SCFD2: variants seen among roughly 807,000 people sequenced by gnomAD.
SCFD2 encodes sec1 family domain-containing protein 2.
Under a neutral mutation model 58.9 loss-of-function variants are expected in SCFD2, and 54 were observed. The observed-to-expected ratio is 0.92, with a 90% confidence interval of 0.74 to 1.15. The LOEUF (loss-of-function observed/expected upper bound fraction) is 1.15, where lower values mean the gene tolerates loss of function less well. Ranked by LOEUF, SCFD2 falls within the 50% of genes most tolerant of loss-of-function variation. The pLI, the probability that SCFD2 is intolerant of heterozygous loss-of-function variation, is 0.00. For synonymous variants in SCFD2, 321 were observed against 335.9 expected, an observed-to-expected ratio of 0.96 and a Z score of 0.49; for missense variants, 805 against 836.6, an observed-to-expected ratio of 0.96 and a Z score of 0.47.
At chr4:53,252,876 A>G (rs1404810009) in intron 4 of SCFD2, among the ~76,000 whole-genome samples, 1 of 152,184 alleles carries the variant, frequency 6.6e-6, no homozygotes, top group Non-Finnish European at 1.5e-5. Flanking sequence ...ACAAAAGCCA[A>G]AATTGACAAA....
At chr4:53,231,758 T>C (rs1729446918) in intron 4 of SCFD2, among the ~76,000 whole-genome samples, 1 of 152,108 alleles carries the variant, frequency 6.6e-6, no homozygotes, top group Non-Finnish European at 1.5e-5. Context: ...TATACTTTTT[T>C]CTTTTCTTTT....
At chr4:53,064,448 T>C (rs1239545916) in intron 5 of SCFD2, among the ~76,000 whole-genome samples, 1 of 152,142 alleles carries the variant, frequency 6.6e-6, no homozygotes, top group African/African-American at 2.4e-5. Flanking sequence ...TGGAGACTTA[T>C]TACTTGGGTA....
At chr4:53,245,042 C>T (rs1730023139) in intron 4 of SCFD2, among the ~76,000 whole-genome samples, 2 of 151,856 alleles carry the variant, frequency 1.3e-5, no homozygotes, top group South Asian at 4.2e-4. Context: ...ATACACCCTC[C>T]CAAGAATCAA....
At chr4:52,886,145 T>C (rs1207224119) in intron 7 of SCFD2, among the ~76,000 whole-genome samples, 1 of 152,186 alleles carries the variant, frequency 6.6e-6, no homozygotes, top group Non-Finnish European at 1.5e-5. Context: ...CTTCACCTAT[T>C]TTACATATAC....
At chr4:53,036,873 C>T (rs778316624) in intron 5 of SCFD2, among the ~76,000 whole-genome samples, 3 of 152,068 alleles carry the variant, frequency 2.0e-5, no homozygotes, top group Non-Finnish European at 2.9e-5. Flanking sequence ...CTACATGATT[C>T]CATTTTTGTG....
At chr4:53,028,266 A>C (rs1400316872) in intron 5 of SCFD2, among the ~76,000 whole-genome samples, 5 of 152,106 alleles carry the variant, frequency 3.3e-5, no homozygotes, top group African/African-American at 1.2e-4. Context: ...ATAAATAAAT[A>C]AATAAAAGAG....
At chr4:52,903,775 C>A (rs1261944509) in intron 7 of SCFD2, among the ~76,000 whole-genome samples, 1 of 152,156 alleles carries the variant, frequency 6.6e-6, no homozygotes, top group Non-Finnish European at 1.5e-5. Context: ...CTGTTCTATT[C>A]TTTTTCATTT....
intron 4 of SCFD2, among the ~76,000 whole-genome samples, chr4:53,156,398 CAAAAAA>C (rs1171962847): frequency 2.0e-5 from 2 of 99,886 alleles, no homozygotes; most frequent in Admixed American, 2.1e-4. Flanking sequence ...AGACTCAACT[CAAAAAA>C]AAAAAAAAAA....
chr4:53,059,463 T>C (rs1201853559), intron 5 of SCFD2, among the ~76,000 whole-genome samples: 1 of 152,186 alleles, frequency 6.6e-6, no homozygotes, highest in Non-Finnish European at 1.5e-5. Context: ...AGGCCCTCTA[T>C]GTGCCAAATA....
chr4:53,352,633 A>T lies in SCFD2; in HGVS notation c.972T>A (p.Tyr324Ter). The T allele has an allele frequency of 6.2e-7, 1 of 1,613,942 alleles. No homozygotes were observed. Residue 324 changes from tyrosine (Y) to a stop codon, truncating the protein, a stop_gained, in exon 2 of 9, where the codon TAT becomes TAA. Transcript: ENST00000401642. LOFTEE classifies it high-confidence loss of function. ...LTALHTEEEN[Y>*]NVVAPGCLSQ... is the part of the protein sequence containing the mutation. ...AAAGACAGCCTGGTGCAACCACATT[A>T]TAATTTTCCTCCTCAGTATGGAGTG...
intron 5 of SCFD2, among the ~76,000 whole-genome samples, chr4:52,931,769 T>G (rs1010618065): frequency 2.6e-5 from 4 of 152,230 alleles, no homozygotes; most frequent in African/African-American, 9.6e-5. Context: ...CAGATGCATC[T>G]TCTGTGGATG....
At chr4:53,152,880 G>A (rs1726553549) in intron 4 of SCFD2, among the ~76,000 whole-genome samples, 14 of 152,182 alleles carry the variant, frequency 9.2e-5, no homozygotes, top group Admixed American at 9.2e-4. Context: ...AAACCCAGCA[G>A]GGCAGACATT....
Position 53,243,172 on chromosome 4 carries a change from A to T in SCFD2, c.1311+30654T>A, listed in dbSNP as rs181883513. ...TACAAGAAGATCATCCCCAAGACAC[A>T]TAATTAACAGATTCTCCAAGTCAAA... On this transcript the variant is annotated intron_variant, in intron 4 of 8. Transcript: ENST00000401642. Among the ~76,000 whole-genome samples, 4 of 152,328 alleles carry T rather than the reference A, an allele frequency of 2.6e-5. No homozygotes were observed. The East Asian group carries it at 7.7e-4, about 29-fold the overall frequency.
chr4:52,920,135 T>C (rs142284506), intron 6 of SCFD2, among the ~76,000 whole-genome samples: 140 of 152,326 alleles, frequency 9.2e-4, no homozygotes, highest in African/African-American at 3.1e-3. Flanking sequence ...GGTCTTTCTA[T>C]GTACTTTCCC....
intron 5 of SCFD2, among the ~76,000 whole-genome samples, chr4:52,932,940 C>G (rs931893936): frequency 6.6e-6 from 1 of 152,122 alleles, no homozygotes; most frequent in Non-Finnish European, 1.5e-5. Flanking sequence ...GTTAGGCATG[C>G]TTGATTCAGA....
chr4:52,885,997 T>C lies in SCFD2; in HGVS notation c.1843-131A>G, dbSNP rs866307341. 93 of 1,148,494 alleles carry C rather than the reference T, an allele frequency of 8.1e-5. No individual in the cohort carries two copies. In the African/African-American group the frequency reaches 1.2e-3, roughly 14 times the overall value. The allele number at this position is 1,148,494 out of a possible 1,614,324, so 71.1% of individuals were successfully genotyped here. On this transcript the variant is annotated intron_variant, in intron 7 of 8. Coordinates refer to ENST00000401642, the MANE Select transcript of SCFD2 (RefSeq NM_152540.4). Reference sequence around the variant, plus strand: ...CTGATAGTGGCAGGAGGCAGACAAATCCTAGGCAGACAGGGGTGGGTCCCT... The same window carrying C: ...CTGATAGTGGCAGGAGGCAGACAAACCCTAGGCAGACAGGGGTGGGTCCCT...
chr4:53,055,772 G>A (rs28623218), intron 5 of SCFD2, among the ~76,000 whole-genome samples: 147 of 152,228 alleles, frequency 9.7e-4, no homozygotes, highest in African/African-American at 3.4e-3. Context: ...ATGCCATCTG[G>A]TTTATTTTAG....
At chr4:52,874,514 G>T (rs74434972) in intron 8 of SCFD2, among the ~76,000 whole-genome samples, 5,506 of 152,304 alleles carry the variant, frequency 0.036, 358 homozygotes, top group African/African-American at 0.13. Flanking sequence ...GGTGGATGTT[G>T]TTAGTGATGA....
intron 5 of SCFD2, chr4:52,949,765 G>GA (rs1720539924): frequency 6.6e-6 from 1 of 152,212 alleles, no homozygotes; most frequent in Non-Finnish European, 1.5e-5. Flanking sequence ...GGAAAACAAT[G>GA]AAAGAACAAT....
Sources: allele counts gnomAD v4.1 joint callset (sites outside exome capture counted in the v4.1 genomes callset), GRCh38; gene constraint gnomAD v4.1.1; transcripts MANE v1.5; gene names NCBI Gene and HGNC (gene_info 2026-07-23, HGNC 2026-07-21).